Variants in RBFOX1 observed in about 807,000 individuals in gnomAD.
The protein encoded by RBFOX1 is RNA binding protein fox-1 homolog 1.
A neutral mutation model predicts 57.7 loss-of-function variants in RBFOX1; 8 were observed. That is an observed-to-expected ratio of 0.14 (90% CI 0.08 to 0.25). The LOEUF (loss-of-function observed/expected upper bound fraction) is 0.25. Ranked by LOEUF, RBFOX1 falls within the 10% of genes least tolerant of loss-of-function variation. The pLI, the probability that RBFOX1 is intolerant of heterozygous loss-of-function variation, is 1.00. For missense variants in RBFOX1, 611 were observed against 548.5 expected (o/e 1.11, Z -1.14); for synonymous variants, 326 against 222.4 (o/e 1.47, Z -4.15).
rs141876904 is a variant in RBFOX1, at chr16:7,028,845, G to C, written c.-15-23212G>C. On this transcript the variant is annotated intron_variant, in intron 3 of 15. Coordinates refer to ENST00000550418, the MANE Select transcript of RBFOX1 (RefSeq NM_018723.4). ...AGTATGTGGACAGCTTATGAGAAAA[G>C]GTGTGGGCATCGCTTGGATCTGAGT... 9.3e-4 allele frequency among the ~76,000 whole-genome samples: 140 copies of C among 150,808 alleles called. No homozygotes were observed. In the Middle Eastern group the frequency reaches 0.02, roughly 22 times the overall value.
intron 3 of RBFOX1, among the ~76,000 whole-genome samples, chr16:6,702,830 A>G (rs2062064128): frequency 6.6e-6 from 1 of 152,232 alleles, no homozygotes; most frequent in Non-Finnish European, 1.5e-5. Flanking sequence ...GGCATTAAAT[A>G]CATTCACATT....
At chr16:6,197,864 C>T (rs1307804070) in intron 1 of RBFOX1, among the ~76,000 whole-genome samples, 1 of 152,064 alleles carries the variant, frequency 6.6e-6, no homozygotes, top group Non-Finnish European at 1.5e-5. Context: ...GAGTTTCCAT[C>T]ATTTAGCTTC....
intron 1 of RBFOX1, among the ~76,000 whole-genome samples, chr16:6,305,988 G>T (rs1567896407): frequency 6.6e-6 from 1 of 152,080 alleles, no homozygotes; most frequent in African/African-American, 2.4e-5. Flanking sequence ...GTCTCAGATG[G>T]CAGAGAAACA....
Position 7,661,797 on chromosome 16 carries a change from A to C in RBFOX1, c.891-3132A>C, listed in dbSNP as rs575472594. ...CTTTTCACAATGAGAAAGCTACACT[A>C]GTTCTTCTTTGGTTCAGTGTTTCAT... is the stretch of plus-strand genomic sequence containing the variant. On this transcript the variant is annotated intron_variant, in intron 12 of 15. Coordinates refer to ENST00000550418, the MANE Select transcript of RBFOX1 (RefSeq NM_018723.4). 5.3e-5 allele frequency among the ~76,000 whole-genome samples: 8 copies of C among 152,288 alleles called. 1 individual carries two copies. The South Asian group carries it at 1.7e-3, about 32-fold the overall frequency.
intron 4 of RBFOX1, among the ~76,000 whole-genome samples, chr16:5,883,748 A>T (rs534070400): frequency 1.3e-5 from 2 of 152,038 alleles, no homozygotes; most frequent in South Asian, 2.1e-4. Flanking sequence ...AAAAAAAATC[A>T]CTCTGATTAG....
chr16:7,326,713 A>T (rs2096616228), intron 4 of RBFOX1, among the ~76,000 whole-genome samples: 1 of 152,048 alleles, frequency 6.6e-6, no homozygotes. Context: ...TATCGTCCTT[A>T]ATCAGAAACA....
chr16:5,361,711 A>T (rs2065556836), intron 1 of RBFOX1, among the ~76,000 whole-genome samples: 1 of 152,212 alleles, frequency 6.6e-6, no homozygotes, highest in Non-Finnish European at 1.5e-5. Context: ...AAACAATTCC[A>T]GGTACCTGCA....
At chr16:5,935,894 T>G (rs1295261379) in intron 4 of RBFOX1, among the ~76,000 whole-genome samples, 2 of 152,090 alleles carry the variant, frequency 1.3e-5, no homozygotes, top group East Asian at 3.9e-4. Flanking sequence ...CACAGAGGTA[T>G]AATGGCTACA....
chr16:7,229,611 A>AAG (rs2093360036), intron 4 of RBFOX1, among the ~76,000 whole-genome samples: 14 of 107,478 alleles, frequency 1.3e-4, no homozygotes, highest in African/African-American at 4.4e-4. Context: ...GGAAGGAAGG[A>AAG]GAAGAAAGAT....
At chr16:5,537,837 C>G (rs1351191406) in intron 2 of RBFOX1, among the ~76,000 whole-genome samples, 1 of 152,216 alleles carries the variant, frequency 6.6e-6, no homozygotes, top group Non-Finnish European at 1.5e-5. Context: ...AGCTGTATAT[C>G]TTTAATCTGC....
chr16:6,214,331 G>T (rs2097317201), intron 1 of RBFOX1, among the ~76,000 whole-genome samples: 1 of 151,112 alleles, frequency 6.6e-6, no homozygotes, highest in Non-Finnish European at 1.5e-5. Context: ...GAGAGAGAGG[G>T]GGAGAGGGAG....
At position 7,471,485 on chromosome 16, in the gene RBFOX1, A is replaced by G. The variant is rs561921102; in HGVS notation, c.28-46662A>G. On this transcript the variant is annotated intron_variant, in intron 4 of 15. Coordinates refer to ENST00000550418, the MANE Select transcript of RBFOX1 (RefSeq NM_018723.4). ...TGCTGTCAGTCATTTAGTGTGGGTGAGGCACCCTTGTTAAAAGACATAAGG... is the reference window on the plus strand; with the variant it reads ...TGCTGTCAGTCATTTAGTGTGGGTGGGGCACCCTTGTTAAAAGACATAAGG... Among the ~76,000 whole-genome samples, 18 of 152,252 alleles carry G rather than the reference A, an allele frequency of 1.2e-4. No individual in the cohort carries two copies. In the South Asian group the frequency reaches 2.9e-3, roughly 25 times the overall value.
chr16:7,705,665 G>A lies in RBFOX1; in HGVS notation c.996-3391G>A, dbSNP rs547024459. Among the ~76,000 whole-genome samples, 8 of 152,298 alleles carry A rather than the reference G, an allele frequency of 5.3e-5. 1 individual carries two copies. In the Middle Eastern group the frequency reaches 0.014, roughly 259 times the overall value. On this transcript the variant is annotated intron_variant, in intron 14 of 15. Coordinates refer to ENST00000550418, the MANE Select transcript of RBFOX1 (RefSeq NM_018723.4). ...AAGGGTTTTAAGCGGGGAGTCATAGGATTAGATTTATATTTAAGTGGAGAG... is the reference window on the plus strand; with the variant it reads ...AAGGGTTTTAAGCGGGGAGTCATAGAATTAGATTTATATTTAAGTGGAGAG...
chr16:6,238,045 C>T (rs1026235721), intron 1 of RBFOX1, among the ~76,000 whole-genome samples: 2 of 144,894 alleles, frequency 1.4e-5, no homozygotes, highest in East Asian at 2.1e-4. Context: ...AAGCTGAAAT[C>T]GCGCCACTGT....
At chr16:6,395,444 C>T (rs11863666) in intron 2 of RBFOX1, among the ~76,000 whole-genome samples, 10,411 of 152,152 alleles carry the variant, frequency 0.068, 630 homozygotes, top group African/African-American at 0.17. Flanking sequence ...TTTAATGGCT[C>T]TGTAACTTTC....
chr16:6,236,386 G>A (rs1215911471), intron 1 of RBFOX1, among the ~76,000 whole-genome samples: 5 of 151,862 alleles, frequency 3.3e-5, no homozygotes, highest in Non-Finnish European at 5.9e-5. Context: ...GCTTAGCAGA[G>A]TACCTGAAAT....
chr16:7,634,002 C>T (rs2061378120), intron 11 of RBFOX1, among the ~76,000 whole-genome samples: 1 of 151,726 alleles, frequency 6.6e-6, no homozygotes, highest in Non-Finnish European at 1.5e-5. Flanking sequence ...GGCCTGTGCG[C>T]ACACACACAC....
chr16:5,929,608 A>G (rs1000737259), intron 4 of RBFOX1, among the ~76,000 whole-genome samples: 1 of 152,238 alleles, frequency 6.6e-6, no homozygotes, highest in Non-Finnish European at 1.5e-5. Flanking sequence ...GCTGGTAACA[A>G]TATGGATCAT....
Position 7,105,721 on chromosome 16 carries a change from T to A in RBFOX1, c.27+53623T>A, listed in dbSNP as rs559670763. ...ATATATATCTATCTATATATGGAGA[T>A]ATATAGGTAGATATATAGATTCAGT... On this transcript the variant is annotated intron_variant, in intron 4 of 15. Coordinates refer to ENST00000550418, the MANE Select transcript of RBFOX1 (RefSeq NM_018723.4). Among the ~76,000 whole-genome samples the A allele has an allele frequency of 1.5e-3, 223 of 152,146 alleles. 1 individual carries two copies. Among genetic ancestry groups the A allele is most frequent in the Non-Finnish European group, 2.2e-3 (149 of 67,992 alleles).
Sources: gnomAD v4.1 joint callset for allele counts (sites outside exome capture counted in the v4.1 genomes callset) on GRCh38, gnomAD v4.1.1 for gene constraint, MANE v1.5 for transcripts, NCBI Gene and HGNC (gene_info 2026-07-23, HGNC 2026-07-21) for gene names.